The following ADAMTS2 variants were observed in gnomAD, a reference collection of about 807,000 sequenced individuals.
The protein encoded by ADAMTS2 is ADAM metallopeptidase with thrombospondin type 1 motif 2, also known as A disintegrin and metalloproteinase with thrombospondin motifs 2.
In ADAMTS2, 50 loss-of-function variants were observed where a neutral mutation model predicts 123.0. The observed-to-expected ratio is 0.41, with a 90% CI of 0.32 to 0.51. The LOEUF is 0.51. ADAMTS2 is among the 20% of genes least tolerant of loss of function. The probability of loss-of-function intolerance (pLI) is 0.35; values close to 1 mark genes in which losing one functional copy is unlikely to be tolerated. For missense variants in ADAMTS2, 1,494 were observed against 1,705.2 expected, an observed-to-expected ratio of 0.88 and a Z score of 2.18; for synonymous variants, 678 against 695.4, an observed-to-expected ratio of 0.98 and a Z score of 0.39.
chr5:179,205,634 C>A (rs566548585), intron 4 of ADAMTS2, among the ~76,000 whole-genome samples: 1 of 152,316 alleles, frequency 6.6e-6, no homozygotes, highest in South Asian at 2.1e-4. Context: ...AGATTTTATA[C>A]CTGCCAGTCT....
rs573550042 is a variant in ADAMTS2, at chr5:179,311,126, G to T, written c.534+32641C>A. Among the ~76,000 whole-genome samples, 4 of 152,066 alleles carry T rather than the reference G, an allele frequency of 2.6e-5. No individual in the cohort carries two copies. In the East Asian group the frequency reaches 7.8e-4, roughly 30 times the overall value. Reference sequence around the variant, plus strand: ...TTTTTCCAGACAGCATTATATAAGGGGAGGATGCGTATGTTCAGCAGATGT... The same window carrying T: ...TTTTTCCAGACAGCATTATATAAGGTGAGGATGCGTATGTTCAGCAGATGT... On this transcript the variant is annotated intron_variant, in intron 2 of 21. Coordinates refer to ENST00000251582, the MANE Select transcript of ADAMTS2 (RefSeq NM_014244.5).
intron 4 of ADAMTS2, among the ~76,000 whole-genome samples, chr5:179,196,823 C>CCCAA (rs1273749810): frequency 6.6e-6 from 1 of 152,244 alleles, no homozygotes; most frequent in East Asian, 1.9e-4. Flanking sequence ...GTTGCAACTA[C>CCCAA]CCAACCCACT....
Position 179,271,216 on chromosome 5 carries a change from C to T in ADAMTS2, c.688+1695G>A, listed in dbSNP as rs576939814. 9.2e-5 allele frequency among the ~76,000 whole-genome samples: 14 copies of T among 152,294 alleles called. No homozygotes were observed. In the South Asian group the frequency reaches 2.9e-3, roughly 32 times the overall value. ...ACCAGCAGAAGCCCAGAAAATAAGG[C>T]AAGGCCGGCCAGGCTGTGGGGGAAG... On this transcript the variant is annotated intron_variant, in intron 3 of 21. Transcript: ENST00000251582.
chr5:179,236,007 C>T (rs1765514818), intron 3 of ADAMTS2, among the ~76,000 whole-genome samples: 1 of 152,236 alleles, frequency 6.6e-6, no homozygotes, highest in African/African-American at 2.4e-5. Context: ...ATGAGAAGCT[C>T]CCTCCCATCC....
At chr5:179,179,598 T>C (rs1023091908) in intron 5 of ADAMTS2, among the ~76,000 whole-genome samples, 12 of 152,190 alleles carry the variant, frequency 7.9e-5, no homozygotes, top group Non-Finnish European at 1.6e-4. Context: ...GAGACTCTCA[T>C]AGTTAGGTTT....
rs1765474681 is a variant in ADAMTS2 at position 179,234,155 on chromosome 5, C to T, written c.689-26440G>A. The stretch of plus-strand genomic sequence containing the variant: ...AGCTGGACTTCATGCAAGCTCTCTG[C>T]CAGAAGAGACCCTCTCCTGCCACAG... On this transcript the variant is annotated intron_variant, in intron 3 of 21. Coordinates refer to ENST00000251582, the MANE Select transcript of ADAMTS2 (RefSeq NM_014244.5). The surrounding 1 kb of genome is among the most constrained non-coding windows in gnomAD (Gnocchi z 4.7). Among the ~76,000 whole-genome samples, 2 of 152,118 alleles carry T rather than the reference C, an allele frequency of 1.3e-5. No homozygotes were observed. Among genetic ancestry groups the T allele is most frequent in the Admixed American group, 1.3e-4 (2 of 15,276 alleles).
chr5:179,330,125 T>C (rs1222842167), intron 2 of ADAMTS2, among the ~76,000 whole-genome samples: 2 of 102,540 alleles, frequency 2.0e-5, no homozygotes, highest in South Asian at 4.0e-4. Context: ...AGAGCGAGAC[T>C]CCGTCTCAAA....
intron 3 of ADAMTS2, among the ~76,000 whole-genome samples, chr5:179,223,677 T>C (rs2113412326): frequency 7.1e-6 from 1 of 140,022 alleles, no homozygotes; most frequent in Middle Eastern, 4.1e-3. Flanking sequence ...CACACATGAA[T>C]GCACTCACAC....
At chr5:179,157,972 CT>C (rs11322430) in intron 6 of ADAMTS2, among the ~76,000 whole-genome samples, 29,069 of 148,272 alleles carry the variant, frequency 0.2, 3,560 homozygotes, top group African/African-American at 0.36. Context: ...TTTTTTGTCT[CT>C]TTTTTTTTTG....
chr5:179,259,792 C>T (rs941907179), intron 3 of ADAMTS2, among the ~76,000 whole-genome samples: 6 of 152,180 alleles, frequency 3.9e-5, no homozygotes, highest in Non-Finnish European at 8.8e-5. Flanking sequence ...GAAGGGAGCC[C>T]GTGTCTACTG....
Position 179,343,856 on chromosome 5 carries a change from C to G in ADAMTS2, c.445G>C (p.Glu149Gln). Residue 149 changes from glutamate (E) to glutamine (Q), a missense_variant, in exon 2 of 22, where the codon GAG (glutamate) becomes CAG (glutamine). Physicochemically the swap from Glu to Gln is conservative, Grantham distance 29. Coordinates refer to ENST00000251582, the MANE Select transcript of ADAMTS2 (RefSeq NM_014244.5). ...WQGEKGTTRV[E>Q]PLLGSCLYVG... ...TAGAGACAGCTCCCGAGCAGGGGCT[C>G]CACGCGGGTGGTGCCCTTCTCGCCC... 3 of 1,599,160 alleles carry G rather than the reference C, an allele frequency of 1.9e-6. No individual in the cohort carries two copies. The highest frequency in any genetic ancestry group is 2.3e-5 in the East Asian group (1 of 43,920).
chr5:179,240,217 G>A lies in ADAMTS2; in HGVS notation c.689-32502C>T, dbSNP rs546203706. On this transcript the variant is annotated intron_variant, in intron 3 of 21. Transcript: ENST00000251582. ...TGAGGGGAGCAGTCTGGCTGCTAGC[G>A]GCACCTTGCTGGTGAACATCATCGT... Among the ~76,000 whole-genome samples, 26 of 152,280 alleles carry A rather than the reference G, an allele frequency of 1.7e-4. No homozygotes were observed. In the South Asian group the frequency reaches 2.3e-3, roughly 13 times the overall value.
chr5:179,305,438 TG>T (rs141405878), intron 2 of ADAMTS2, among the ~76,000 whole-genome samples: 8,938 of 152,142 alleles, frequency 0.059, 842 homozygotes, highest in African/African-American at 0.2. Flanking sequence ...ACATTCAACT[TG>T]AAGTGGTAAA....
At chr5:179,274,333 G>A (rs1766632652) in intron 2 of ADAMTS2, among the ~76,000 whole-genome samples, 1 of 152,016 alleles carries the variant, frequency 6.6e-6, no homozygotes, top group Admixed American at 6.6e-5. Flanking sequence ...TTAAAAGCTT[G>A]AATTTGTTGC....
intron 2 of ADAMTS2, among the ~76,000 whole-genome samples, chr5:179,337,944 A>T (rs1378073760): frequency 6.6e-6 from 1 of 151,340 alleles, no homozygotes; most frequent in Non-Finnish European, 1.5e-5. Flanking sequence ...CCTGGCCTTC[A>T]CCTCCCAGCT....
At chr5:179,287,249 T>G (rs965101279) in intron 2 of ADAMTS2, among the ~76,000 whole-genome samples, 1 of 152,108 alleles carries the variant, frequency 6.6e-6, no homozygotes, top group Non-Finnish European at 1.5e-5. Flanking sequence ...TCCAGGGAAG[T>G]AGGAGCCCGC....
Position 179,260,578 on chromosome 5 carries a change from G to C in ADAMTS2, c.688+12333C>G, listed in dbSNP as rs555158872. On this transcript the variant is annotated intron_variant, in intron 3 of 21. Coordinates refer to ENST00000251582, the MANE Select transcript of ADAMTS2 (RefSeq NM_014244.5). The surrounding 1 kb of genome is among the most constrained non-coding windows in gnomAD (Gnocchi z 4.2). ...AGCGGGGACAGGAGGGCACTGCACT[G>C]GGTGTCAGCAGCCCTGGGTTCTAAG... Among the ~76,000 whole-genome samples, 39 of 152,274 alleles carry C rather than the reference G, an allele frequency of 2.6e-4. No individual in the cohort carries two copies. The highest frequency in any genetic ancestry group is 4.4e-4 in the Non-Finnish European group (30 of 68,024).
chr5:179,121,804 C>T (rs967496242), intron 20 of ADAMTS2, 54 bp from the exon 21 acceptor site: 8 of 1,288,558 alleles, frequency 6.2e-6, no homozygotes, highest in South Asian at 4.7e-5. Context: ...GGGGCCCCCA[C>T]CCCAGGCAGA....
intron 2 of ADAMTS2, among the ~76,000 whole-genome samples, chr5:179,321,346 T>C (rs1300624922): frequency 1.3e-5 from 2 of 152,100 alleles, no homozygotes; most frequent in Admixed American, 1.3e-4. Context: ...ATGTGTGCCA[T>C]GCGCACCAGC....
Sources: gnomAD v4.1 joint callset for allele counts (sites outside exome capture counted in the v4.1 genomes callset) on GRCh38, gnomAD v4.1.1 for gene constraint, Gnocchi (gnomAD v3.1) non-coding constraint, MANE v1.5 for transcripts, NCBI Gene and HGNC (gene_info 2026-07-23, HGNC 2026-07-21) for gene names.